The following COL4A1 variants were observed in gnomAD, a reference collection of about 807,000 sequenced individuals.
COL4A1 encodes the protein collagen type IV alpha 1 chain.
COL4A1 carries 40 observed loss-of-function variants against 216.6 expected under a neutral mutation model. The observed-to-expected ratio is 0.18, with a 90% CI of 0.14 to 0.24. COL4A1 has a LOEUF of 0.24. COL4A1 is among the 10% of genes least tolerant of loss of function. The pLI, the probability that COL4A1 is intolerant of heterozygous loss-of-function variation, is 1.00. For synonymous variants in COL4A1, 839 were observed against 810.7 expected, an observed-to-expected ratio of 1.03 and a Z score of -0.59; for missense variants, 1,628 against 2,196.8, an observed-to-expected ratio of 0.74 and a Z score of 5.18.
intron 2 of COL4A1, among the ~76,000 whole-genome samples, chr13:110,238,487 G>A (rs1881422271): frequency 1.3e-5 from 2 of 152,230 alleles, no homozygotes; most frequent in Admixed American, 1.3e-4. Flanking sequence ...GCAAATTAGT[G>A]AGGACATGAG....
Position 110,195,044 on chromosome 13 carries a change from T to C in COL4A1, c.1360A>G (p.Ile454Val), listed in dbSNP as rs373712845. 1.0e-4 allele frequency: 165 copies of C among 1,614,154 alleles called. No individual in the cohort carries two copies. The highest frequency in any genetic ancestry group is 9.9e-4 in the Middle Eastern group (6 of 6,062). ...TTACCTTTCTCTCCAATTTCGCCTA[T>C]AAATCCTGGCTGCCCTGGAATTCCA... The part of the protein sequence containing the change: ...PPGIPGQPGF[I>V]GEIGEKGQKG... The change falls in exon 22 of 52, where the codon ATA becomes GTA. Residue 454 changes from isoleucine (I) to valine (V), a missense_variant. Ile to Val is a conservative substitution (Grantham distance 29). Transcript: ENST00000375820.
In COL4A1 at chr13:110,175,490, T is replaced by C. The variant is rs73609576; in HGVS notation, c.3059-133A>G. The C allele has an allele frequency of 7.6e-3, 11,154 of 1,469,406 alleles. 726 individuals are homozygous for C. The African/African-American group carries it at 0.14, about 18-fold the overall frequency. 91.0% of individuals were successfully genotyped at this position (1,469,406 alleles called of 1,614,324 possible). A position where few individuals can be genotyped will look rare whatever the true frequency, so the allele number is the denominator to read the frequency against. Reference sequence around the variant, plus strand: ...CCCCCACAACCAGCCAAGATTGAGATACAAGAATGCACATCCCTCATGTAT... The same window carrying C: ...CCCCCACAACCAGCCAAGATTGAGACACAAGAATGCACATCCCTCATGTAT... On this transcript the variant is annotated intron_variant, in intron 36 of 51. Coordinates refer to ENST00000375820, the MANE Select transcript of COL4A1 (RefSeq NM_001845.6).
chr13:110,218,299 A>T (rs1880191247), intron 2 of COL4A1, among the ~76,000 whole-genome samples: 1 of 152,134 alleles, frequency 6.6e-6, no homozygotes, highest in African/African-American at 2.4e-5. Context: ...AGGATCACGG[A>T]TCTTCACAAT....
chr13:110,265,684 T>C (rs1883001141), intron 1 of COL4A1: 1 of 152,210 alleles, frequency 6.6e-6, no homozygotes, highest in Admixed American at 6.5e-5. Flanking sequence ...TATGAGGAAA[T>C]GTGGCACGTA....
intron 1 of COL4A1, among the ~76,000 whole-genome samples, chr13:110,261,035 T>TAAAAAAAAAAAAAAAAA (rs1303970828): frequency 4.5e-4 from 19 of 42,114 alleles, no homozygotes; most frequent in African/African-American, 1.6e-3. Flanking sequence ...AGACTCCGTC[T>TAAAAAAAAAAAAAAAAA]CAAAAAAAAA....
In COL4A1 at chr13:110,164,986, G is replaced by A; in HGVS notation, c.4026C>T (p.Leu1342=). 1 of 1,604,296 alleles carries A rather than the reference G, an allele frequency of 6.2e-7. No homozygotes were observed. Among genetic ancestry groups the A allele is most frequent in the Non-Finnish European group, 8.5e-7 (1 of 1,176,052 alleles). Residue 1342 remains leucine (L), a synonymous_variant, in exon 46 of 52, where the codon CTC becomes CTT. Coordinates refer to ENST00000375820, the MANE Select transcript of COL4A1 (RefSeq NM_001845.6). The part of the protein sequence containing the change: ...GDQGVPGAKG[L]PGPPGPPGPY... ...GACCTGGGGGGCCAGGAGGACCCGG[G>A]AGACCTGTGGGAATAGGGAAGGCAT...
At chr13:110,177,083 A>T (rs773162365) in intron 33 of COL4A1, 46 bp from the exon 34 acceptor site, 1 of 1,609,484 alleles carries the variant, frequency 6.2e-7, no homozygotes, top group Non-Finnish European at 8.5e-7. Context: ...CCAGTGTCAC[A>T]GAGGTGCTCA....
intron 1 of COL4A1, among the ~76,000 whole-genome samples, chr13:110,274,706 A>G (rs1017721596): frequency 1.2e-4 from 18 of 152,178 alleles, no homozygotes; most frequent in Non-Finnish European, 4.4e-5. Flanking sequence ...CTGGCTGTGC[A>G]CTGATAGCCA....
At chr13:110,239,675 G>A (rs7995873) in intron 2 of COL4A1, among the ~76,000 whole-genome samples, 30,033 of 152,076 alleles carry the variant, frequency 0.2, 3,394 homozygotes, top group African/African-American at 0.3. Flanking sequence ...ACACTAGGTC[G>A]GCATTTCTAG....
Position 110,162,454 on chromosome 13 carries a change from G to A in COL4A1, c.4250-12C>T, listed in dbSNP as rs202055679. The A allele has an allele frequency of 4.2e-4, 678 of 1,603,214 alleles. No homozygotes were observed. Among genetic ancestry groups the A allele is most frequent in the Admixed American group, 6.2e-4 (37 of 60,002 alleles). ...AAATCCTCTTGGACCTGGAAGATAG[G>A]AGACAAATTAGTTTCCCTAATTACA... is the stretch of plus-strand genomic sequence containing the variant. On this transcript the variant is annotated splice_polypyrimidine_tract_variant and intron_variant, in intron 47 of 51. Coordinates refer to ENST00000375820, the MANE Select transcript of COL4A1 (RefSeq NM_001845.6).
At chr13:110,161,409 A>G (rs374207860) in intron 48 of COL4A1, 40 bp from the exon 49 acceptor site, 144 of 1,565,442 alleles carry the variant, frequency 9.2e-5, no homozygotes, top group Non-Finnish European at 1.2e-4. Flanking sequence ...TTTCCTTTAT[A>G]ATTCACAATC....
chr13:110,169,584 G>T (rs563254339), intron 43 of COL4A1, 45 bp downstream of exon 43: 4 of 1,611,500 alleles, frequency 2.5e-6, no homozygotes, highest in African/African-American at 1.3e-5. Context: ...CTTCTGGCCA[G>T]AAAAGACTCC....
intron 1 of COL4A1, among the ~76,000 whole-genome samples, chr13:110,243,996 T>C (rs1488036504): frequency 6.6e-6 from 1 of 152,194 alleles, no homozygotes; most frequent in Non-Finnish European, 1.5e-5. Context: ...ACACAGGTAT[T>C]GTGGACAGAA....
intron 1 of COL4A1, among the ~76,000 whole-genome samples, chr13:110,288,563 AG>A (rs1026101584): frequency 6.6e-6 from 1 of 152,206 alleles, no homozygotes; most frequent in African/African-American, 2.4e-5. Context: ...TTCTTTGCAC[AG>A]ACAAAAATCA....
chr13:110,171,190 C>A (rs1207739153), intron 41 of COL4A1, among the ~76,000 whole-genome samples: 1 of 152,152 alleles, frequency 6.6e-6, no homozygotes, highest in African/African-American at 2.4e-5. Flanking sequence ...CGAATTATGT[C>A]GTGGGAGAGT....
intron 2 of COL4A1, among the ~76,000 whole-genome samples, chr13:110,228,745 G>A (rs905848370): frequency 6.6e-6 from 1 of 152,208 alleles, no homozygotes; most frequent in Non-Finnish European, 1.5e-5. Flanking sequence ...ATTGTCTCTA[G>A]AGGAGGACAG....
At chr13:110,157,958 T>C (rs1876866148) in intron 49 of COL4A1, among the ~76,000 whole-genome samples, 1 of 152,140 alleles carries the variant, frequency 6.6e-6, no homozygotes, top group South Asian at 2.1e-4. Context: ...CAAGGTCAAA[T>C]GTCAACATTG....
intron 2 of COL4A1, among the ~76,000 whole-genome samples, chr13:110,235,806 A>G (rs1315467242): frequency 6.6e-6 from 1 of 152,192 alleles, no homozygotes; most frequent in East Asian, 1.9e-4. Context: ...CCATCTATCT[A>G]TATGGTGGAA....
intron 2 of COL4A1, among the ~76,000 whole-genome samples, chr13:110,233,520 T>C (rs941600399): frequency 5.3e-5 from 8 of 152,018 alleles, no homozygotes; most frequent in East Asian, 1.9e-4. Context: ...CTTTGAATAA[T>C]AGCTAGACCA....
Sources: gnomAD v4.1 joint callset for allele counts (sites outside exome capture counted in the v4.1 genomes callset) on GRCh38, gnomAD v4.1.1 for gene constraint, MANE v1.5 for transcripts, NCBI Gene and HGNC (gene_info 2026-07-23, HGNC 2026-07-21) for gene names.